Variants in PIK3R1 observed in about 807,000 individuals in gnomAD.
The protein encoded by PIK3R1 is phosphoinositide-3-kinase regulatory subunit 1, also known as phosphatidylinositol 3-kinase regulatory subunit alpha.
A neutral mutation model predicts 98.0 loss-of-function variants in PIK3R1; 29 were observed. The ratio of observed to expected loss-of-function variants is 0.30; its 90% CI spans 0.22 to 0.40. PIK3R1 has a LOEUF of 0.40. PIK3R1 is among the 10% of genes least tolerant of loss of function. The pLI is 1.00. For missense variants in PIK3R1, 596 were observed against 872.7 expected, an observed-to-expected ratio of 0.68 and a Z score of 3.99; for synonymous variants, 282 against 311.8, an observed-to-expected ratio of 0.90 and a Z score of 1.01.
Position 68,226,802 on chromosome 5 carries a change from A to G in PIK3R1, c.127A>G (p.Ser43Gly), listed in dbSNP as rs962529901. Residue 43 changes from serine (S) to glycine (G), a missense_variant, in exon 2 of 16, where the codon AGT becomes GGT. This residue lies in a region of PIK3R1 where 352 missense variants were observed against 393.3 expected (regional missense o/e 0.90). Transcript: ENST00000521381. The stretch of plus-strand genomic sequence containing the variant: ...AGGGTCCTTAGTAGCTCTTGGATTC[A>G]GTGATGGACAGGAAGCCAGGCCTGA... ...NKGSLVALGFSDGQEARPEEI... is the reference protein window; with the variant it reads ...NKGSLVALGFGDGQEARPEEI... The G allele has an allele frequency of 1.2e-6, 2 of 1,614,040 alleles. No individual in the cohort carries two copies. The highest frequency in any genetic ancestry group is 2.7e-5 in the African/African-American group (2 of 74,914).
At chr5:68,263,939 T>C (rs940193559) in intron 2 of PIK3R1, among the ~76,000 whole-genome samples, 2 of 152,222 alleles carry the variant, frequency 1.3e-5, no homozygotes, top group Non-Finnish European at 2.9e-5. Context: ...GATTTCATTT[T>C]GTGATGCTTG....
intron 14 of PIK3R1, 61 bp downstream of exon 14, chr5:68,295,549 ACTTG>A (rs1747668199): frequency 7.2e-7 from 1 of 1,391,320 alleles, no homozygotes; most frequent in Non-Finnish European, 1.0e-6. Context: ...AAAATGCATG[ACTTG>A]CTTTGTTTTT....
chr5:68,257,135 C>T (rs1278437057), intron 2 of PIK3R1, among the ~76,000 whole-genome samples: 2 of 152,188 alleles, frequency 1.3e-5, no homozygotes, highest in African/African-American at 2.4e-5. Context: ...AATCTTACTG[C>T]TTTTTTCCCT....
intron 2 of PIK3R1, among the ~76,000 whole-genome samples, chr5:68,271,808 A>G (rs1746372594): frequency 1.2e-5 from 1 of 80,138 alleles, no homozygotes; most frequent in Non-Finnish European, 2.2e-5. Context: ...GCATCCATCT[A>G]TGTACTGCAC....
At chr5:68,277,769 C>T (rs897692531) in intron 4 of PIK3R1, among the ~76,000 whole-genome samples, 5 of 152,174 alleles carry the variant, frequency 3.3e-5, no homozygotes, top group South Asian at 2.1e-4. Context: ...TATGAGGTCT[C>T]GATAATATTT....
chr5:68,265,359 G>A (rs1357710164), intron 2 of PIK3R1, among the ~76,000 whole-genome samples: 2 of 152,098 alleles, frequency 1.3e-5, no homozygotes, highest in African/African-American at 2.4e-5. Context: ...GTGTACTGAT[G>A]TGTTAGGTCA....
At chr5:68,254,483 CAT>C (rs757832998) in intron 2 of PIK3R1, among the ~76,000 whole-genome samples, 4 of 152,186 alleles carry the variant, frequency 2.6e-5, no homozygotes, top group Non-Finnish European at 5.9e-5. Context: ...AAGGAGAAAT[CAT>C]ATTAAGGTAT....
intron 2 of PIK3R1, among the ~76,000 whole-genome samples, chr5:68,243,846 A>G (rs1349374690): frequency 6.6e-6 from 1 of 152,228 alleles, no homozygotes; most frequent in East Asian, 1.9e-4. Context: ...TAATTGGACT[A>G]TGTAAAATGG....
chr5:68,293,067 T>G, intron 8 of PIK3R1, 34 bp from the exon 9 acceptor site: 1 of 1,528,326 alleles, frequency 6.5e-7, no homozygotes. Context: ...TCACTAAACC[T>G]TAAGATGAGC....
At chr5:68,285,684 G>A (rs192620745) in intron 7 of PIK3R1, among the ~76,000 whole-genome samples, 11 of 152,290 alleles carry the variant, frequency 7.2e-5, no homozygotes, top group African/African-American at 1.9e-4. Flanking sequence ...AAAGATCTGA[G>A]GGAGAATTGC....
intron 5 of PIK3R1, chr5:68,280,107 G>A: frequency 3.2e-6 from 1 of 312,668 alleles, no homozygotes; most frequent in South Asian, 5.7e-5. Flanking sequence ...ATAACAGAAT[G>A]TGTTGAGGGA....
chr5:68,296,538 C>T (rs1747723056), intron 15 of PIK3R1, among the ~76,000 whole-genome samples, 197 bp downstream of exon 15: 1 of 152,182 alleles, frequency 6.6e-6, no homozygotes, highest in African/African-American at 2.4e-5. Flanking sequence ...TTAATACAGT[C>T]TAATAGATAC....
chr5:68,246,774 C>A (rs1285790429), intron 2 of PIK3R1, among the ~76,000 whole-genome samples: 10 of 152,208 alleles, frequency 6.6e-5, no homozygotes, highest in Non-Finnish European at 1.5e-5. Flanking sequence ...CAGGCGCCTG[C>A]CACCACGTTG....
Position 68,300,641 on chromosome 5 carries a change from C to A in PIK3R1, c.*3040C>A. 4.3e-6 allele frequency: 1 copy of A among 233,270 alleles called. No homozygotes were observed. The highest frequency in any genetic ancestry group is 8.5e-6 in the Non-Finnish European group (1 of 118,044). 14.5% of individuals were successfully genotyped at this position (233,270 alleles called of 1,614,324 possible). On this transcript the variant is annotated 3_prime_UTR_variant, in exon 16 of 16. Transcript: ENST00000521381. ...TGATAAATGTATATATGTATATGTGCATGGACTGTGTTTCCAGTACACCTT... is the reference window on the plus strand; with the variant it reads ...TGATAAATGTATATATGTATATGTGAATGGACTGTGTTTCCAGTACACCTT...
At chr5:68,288,476 C>T (rs1387280111) in intron 7 of PIK3R1, 3 of 1,306,270 alleles carry the variant, frequency 2.3e-6, no homozygotes, top group African/African-American at 3.1e-5. Context: ...CGGCGGTGGC[C>T]CGGACGCACT....
intron 2 of PIK3R1, among the ~76,000 whole-genome samples, chr5:68,265,259 G>A (rs1037150173): frequency 5.9e-5 from 9 of 152,144 alleles, no homozygotes; most frequent in East Asian, 1.9e-4. Flanking sequence ...ATTCTGACAC[G>A]CAGAGGGTAT....
At chr5:68,240,425 A>T (rs1744830188) in intron 2 of PIK3R1, among the ~76,000 whole-genome samples, 1 of 152,240 alleles carries the variant, frequency 6.6e-6, no homozygotes, top group South Asian at 2.1e-4. Flanking sequence ...ATTTAGAGGA[A>T]GTTTAAACAT....
Position 68,285,776 on chromosome 5 carries a change from G to C in PIK3R1, c.916+4770G>C, listed in dbSNP as rs116618217. On this transcript the variant is annotated intron_variant, in intron 7 of 15. Coordinates refer to ENST00000521381, the MANE Select transcript of PIK3R1 (RefSeq NM_181523.3). Reference sequence around the variant, plus strand: ...AGAATGTGTCAGAGTTTATACATACGTAAACCTGGGCTTATTTATATACTT... The same window carrying C: ...AGAATGTGTCAGAGTTTATACATACCTAAACCTGGGCTTATTTATATACTT... 1.9e-3 allele frequency among the ~76,000 whole-genome samples: 285 copies of C among 152,268 alleles called. 1 individual carries two copies. The highest frequency in any genetic ancestry group is 6.5e-3 in the African/African-American group (268 of 41,546).
Position 68,262,877 on chromosome 5 carries a change from A to G in PIK3R1, c.335-10513A>G, listed in dbSNP as rs796434535. 1.0e-3 allele frequency among the ~76,000 whole-genome samples: 37 copies of G among 36,112 alleles called. 1 individual carries two copies. Among genetic ancestry groups the G allele is most frequent in the South Asian group, 2.1e-3 (2 of 964 alleles). The allele number at this position is 36,112 out of a possible 152,430, so 23.7% of individuals were successfully genotyped here. ...TGTAGATACATGTATACATGTAGAT[A>G]CATGTAGATACATGTATACATATAT... On this transcript the variant is annotated intron_variant, in intron 2 of 15. Coordinates refer to ENST00000521381, the MANE Select transcript of PIK3R1 (RefSeq NM_181523.3).
Sources: allele counts gnomAD v4.1 joint callset (sites outside exome capture counted in the v4.1 genomes callset), GRCh38; gene constraint gnomAD v4.1.1; regional missense constraint gnomAD v4.1.1; transcripts MANE v1.5; gene names NCBI Gene and HGNC (gene_info 2026-07-23, HGNC 2026-07-21).